DRC11L: variants seen among roughly 807,000 people sequenced by gnomAD.
The protein encoded by DRC11L is dynein regulatory complex subunit like-11.
At chr7:151,193,966 G>T in the DRC11L span, among the ~76,000 whole-genome samples, 2 of 152,050 alleles carry the variant, frequency 1.3e-5, no homozygotes, top group Middle Eastern at 3.2e-3. Context: ...TTCAGCTCAG[G>T]GGGTATAGGG....
the DRC11L span, chr7:151,191,730 G>A: frequency 2.5e-6 from 1 of 399,312 alleles, no homozygotes; most frequent in Non-Finnish European, 4.4e-6. Context: ...TTGGACAGTT[G>A]CAGGAACCGC....
chr7:151,202,466 T>C, the DRC11L span, among the ~76,000 whole-genome samples: 1 of 152,250 alleles, frequency 6.6e-6, no homozygotes, highest in Non-Finnish European at 1.5e-5. Context: ...GGTATCCTAC[T>C]ACAAACCCTT....
At chr7:151,196,491 C>T in the DRC11L span, 30 of 399,398 alleles carry the variant, frequency 7.5e-5, no homozygotes, top group Admixed American at 5.7e-4. Context: ...CTTCTCCTCC[C>T]GGAGGGTCTC....
chr7:151,205,433 C>T, the DRC11L span: 32 of 399,352 alleles, frequency 8.0e-5, 2 homozygotes, highest in African/African-American at 6.0e-4. Flanking sequence ...CCACTCCAGC[C>T]CCTCACTCAC....
the DRC11L span, among the ~76,000 whole-genome samples, chr7:151,198,138 AC>A: frequency 6.6e-6 from 1 of 151,374 alleles, no homozygotes; most frequent in African/African-American, 2.4e-5. Flanking sequence ...GGAAGGATAG[AC>A]AGAGAGGTGG....
At chr7:151,196,652 C>T in the DRC11L span, 1 of 398,988 alleles carries the variant, frequency 2.5e-6, no homozygotes, top group Non-Finnish European at 4.4e-6. Flanking sequence ...CATACGTGCA[C>T]ACAGACACAT....
At chr7:151,194,116 G>A in the DRC11L span, 1 of 384,950 alleles carries the variant, frequency 2.6e-6, no homozygotes. Flanking sequence ...CCTCCAGCAG[G>A]GCCTGGGCAG....
chr7:151,200,381 A>G, the DRC11L span: 1 of 399,070 alleles, frequency 2.5e-6, no homozygotes, highest in Non-Finnish European at 4.4e-6. Context: ...GGTTGAGCTC[A>G]CCATGCCAAT....
chr7:151,200,437 C>T, the DRC11L span: 1 of 399,260 alleles, frequency 2.5e-6, no homozygotes, highest in Non-Finnish European at 4.4e-6. Context: ...GTTTCCTCTG[C>T]AGATAGCCTT....
chr7:151,202,419 C>T, the DRC11L span, among the ~76,000 whole-genome samples: 1 of 152,202 alleles, frequency 6.6e-6, no homozygotes, highest in South Asian at 2.1e-4. Flanking sequence ...TCTTTCTTCT[C>T]TAATTTTAAT....
chr7:151,205,192 T>C, the DRC11L span, among the ~76,000 whole-genome samples: 1 of 151,866 alleles, frequency 6.6e-6, no homozygotes, highest in Non-Finnish European at 1.5e-5. Flanking sequence ...GATGCTGCAG[T>C]GATCTGGGCT....
the DRC11L span, chr7:151,203,169 C>G: frequency 1.0e-5 from 4 of 398,660 alleles, no homozygotes; most frequent in Non-Finnish European, 1.8e-5. Flanking sequence ...CGCTGGGAGA[C>G]CAGCCATCAA....
chr7:151,196,456 G>A, the DRC11L span: 21 of 399,252 alleles, frequency 5.3e-5, no homozygotes, highest in South Asian at 2.5e-4. Context: ...ACCTGTATCC[G>A]GATCTCCAGC....
the DRC11L span, chr7:151,195,473 T>C: frequency 0.12 from 46,418 of 399,278 alleles, 3,049 homozygotes; most frequent in Non-Finnish European, 0.14. Context: ...CCAGTTTTCT[T>C]CCCAGGTGTT....
chr7:151,193,969 G>A, the DRC11L span, among the ~76,000 whole-genome samples: 2 of 152,096 alleles, frequency 1.3e-5, no homozygotes, highest in Non-Finnish European at 2.9e-5. Flanking sequence ...AGCTCAGGGG[G>A]TATAGGGCTG....
chr7:151,192,870 C>G, the DRC11L span: 1 of 398,852 alleles, frequency 2.5e-6, no homozygotes, highest in Admixed American at 4.4e-5. Flanking sequence ...TTAGATGTCT[C>G]TGGAGAAGGG....
chr7:151,192,429 CCTT>C, the DRC11L span: 15 of 399,356 alleles, frequency 3.8e-5, no homozygotes, highest in African/African-American at 3.1e-4. Flanking sequence ...TTGGTGAGGT[CCTT>C]CTTTATCCGC....
At chr7:151,194,663 G>A in the DRC11L span, 1 of 398,978 alleles carries the variant, frequency 2.5e-6, no homozygotes, top group Non-Finnish European at 4.4e-6. Flanking sequence ...GAGAACACAG[G>A]GAAATGGAGG....
At chr7:151,200,564 G>T in the DRC11L span, 3 of 398,314 alleles carry the variant, frequency 7.5e-6, no homozygotes. Context: ...GAGATTTCCG[G>T]TGGGGTGGGG....
Sources: gnomAD v4.1 joint callset for allele counts (sites outside exome capture counted in the v4.1 genomes callset) on GRCh38, gnomAD v4.1.1 for gene constraint, MANE v1.5 for transcripts, NCBI Gene and HGNC (gene_info 2026-07-23, HGNC 2026-07-21) for gene names.